GPR158: variants seen among roughly 807,000 people sequenced by gnomAD.
GPR158 encodes the protein metabotropic glycine receptor.
GPR158 carries 30 observed loss-of-function variants against 78.2 expected under a neutral mutation model. The observed-to-expected ratio is 0.38, with a 90% CI of 0.29 to 0.52. The LOEUF (loss-of-function observed/expected upper bound fraction) is 0.52, where lower values mean the gene tolerates loss of function less well. Ranked by LOEUF, GPR158 falls within the 20% of genes least tolerant of loss-of-function variation. The pLI, the probability that GPR158 is intolerant of heterozygous loss-of-function variation, is 0.83. For missense variants in GPR158, 1,463 were observed against 1,523.5 expected, an observed-to-expected ratio of 0.96 and a Z score of 0.66; for synonymous variants, 581 against 591.1, an observed-to-expected ratio of 0.98 and a Z score of 0.25.
chr10:25,569,903 T>G (rs1836982424), intron 6 of GPR158, among the ~76,000 whole-genome samples: 1 of 152,220 alleles, frequency 6.6e-6, no homozygotes, highest in Non-Finnish European at 1.5e-5. Context: ...CCTAGCATGA[T>G]GCCTAACATA....
At chr10:25,335,772 A>G (rs1855190378) in intron 2 of GPR158, among the ~76,000 whole-genome samples, 2 of 152,048 alleles carry the variant, frequency 1.3e-5, no homozygotes, top group Admixed American at 1.3e-4. Context: ...ATAGTAAAAA[A>G]CAAATCCTTG....
At chr10:25,252,685 C>G (rs1408670359) in intron 2 of GPR158, among the ~76,000 whole-genome samples, 1 of 152,204 alleles carries the variant, frequency 6.6e-6, no homozygotes, top group African/African-American at 2.4e-5. Flanking sequence ...AGATCTCCAG[C>G]TGCGTGCTGG....
rs764047751 is a variant in GPR158, at chr10:25,412,284, A to C, written c.1146A>C (p.Thr382=). The change falls in exon 4 of 11, where the codon ACA becomes ACC. Residue 382 remains threonine (T), a synonymous_variant. Transcript: ENST00000376351. Reference sequence around the variant, plus strand: ...CGGATCAGCATATTTCAGGAAGTACAAAAGATGTGTCAGAAGAAGCCTATG... The same window carrying C: ...CGGATCAGCATATTTCAGGAAGTACCAAAGATGTGTCAGAAGAAGCCTATG... ...RGPDQHISGS[T]KDVSEEAYVC... 1.2e-6 allele frequency: 2 copies of C among 1,614,112 alleles called. No homozygotes were observed. The highest frequency in any genetic ancestry group is 8.5e-7 in the Non-Finnish European group (1 of 1,179,954).
chr10:25,251,379 T>G (rs939064309), intron 2 of GPR158, among the ~76,000 whole-genome samples: 2 of 151,642 alleles, frequency 1.3e-5, no homozygotes. Context: ...GTGATTTTGC[T>G]CGTTAGTTGA....
chr10:25,427,930 TCTGA>T (rs1207335227), intron 4 of GPR158, among the ~76,000 whole-genome samples: 5 of 152,060 alleles, frequency 3.3e-5, no homozygotes, highest in African/African-American at 9.7e-5. Flanking sequence ...TTTAAACCTG[TCTGA>T]CTATGTCCGT....
chr10:25,406,865 T>A (rs984171911), intron 3 of GPR158, among the ~76,000 whole-genome samples: 2 of 152,150 alleles, frequency 1.3e-5, no homozygotes, highest in Non-Finnish European at 2.9e-5. Context: ...TAAAGATCAT[T>A]AAGATCAACA....
chr10:25,286,923 G>A (rs1854358521), intron 2 of GPR158, among the ~76,000 whole-genome samples: 1 of 152,090 alleles, frequency 6.6e-6, no homozygotes, highest in African/African-American at 2.4e-5. Context: ...TCTTCCCTTT[G>A]TGCTGTGCCT....
chr10:25,493,233 A>G (rs1835835006), intron 5 of GPR158, among the ~76,000 whole-genome samples: 1 of 152,172 alleles, frequency 6.6e-6, no homozygotes, highest in Non-Finnish European at 1.5e-5. Flanking sequence ...GCCTGCTTCA[A>G]CACAATTGCA....
At chr10:25,395,199 G>T (rs1834349918) in intron 2 of GPR158, among the ~76,000 whole-genome samples, 1 of 152,110 alleles carries the variant, frequency 6.6e-6, no homozygotes, top group Non-Finnish European at 1.5e-5. Flanking sequence ...ACCCTTGAAA[G>T]AAGTCAAGAT....
At chr10:25,387,515 AAT>A (rs1491272561) in intron 2 of GPR158, among the ~76,000 whole-genome samples, 2 of 76,968 alleles carry the variant, frequency 2.6e-5, no homozygotes, top group African/African-American at 5.2e-5. Flanking sequence ...TTTCTCTTCA[AAT>A]TTTTTTTTTT....
chr10:25,369,171 C>G (rs1399379688), intron 2 of GPR158, among the ~76,000 whole-genome samples: 1 of 151,306 alleles, frequency 6.6e-6, no homozygotes. Context: ...CCTTCTCCTG[C>G]CTAATTGCCC....
At chr10:25,531,546 A>G (rs1035716883) in intron 5 of GPR158, among the ~76,000 whole-genome samples, 2 of 152,214 alleles carry the variant, frequency 1.3e-5, no homozygotes, top group East Asian at 3.8e-4. Flanking sequence ...GAGTAATAAG[A>G]AAGTGTCCTC....
At chr10:25,575,879 A>G (rs372057241) in intron 7 of GPR158, among the ~76,000 whole-genome samples, 34 of 151,704 alleles carry the variant, frequency 2.2e-4, no homozygotes, top group African/African-American at 7.5e-4. Flanking sequence ...ATCCACATTT[A>G]TTCTTATCTT....
chr10:25,230,885 C>T (rs1229241320), intron 2 of GPR158, among the ~76,000 whole-genome samples: 1 of 152,056 alleles, frequency 6.6e-6, no homozygotes, highest in Non-Finnish European at 1.5e-5. Flanking sequence ...TGAAAGGTAC[C>T]ACATGACAAT....
Position 25,467,459 on chromosome 10 carries a change from A to G in GPR158, c.1404+740A>G, listed in dbSNP as rs1462976516. Reference sequence around the variant, plus strand: ...TTGCCCCCACAAAGGACGACTTTGCAGGACCATTTCAAAATATGGCACAGA... The same window carrying G: ...TTGCCCCCACAAAGGACGACTTTGCGGGACCATTTCAAAATATGGCACAGA... On this transcript the variant is annotated intron_variant, in intron 5 of 10. Transcript: ENST00000376351. 2.6e-5 allele frequency among the ~76,000 whole-genome samples: 4 copies of G among 152,224 alleles called. No individual in the cohort carries two copies. In the East Asian group the frequency reaches 7.7e-4, roughly 29 times the overall value.
chr10:25,443,146 G>A (rs1835090594), intron 4 of GPR158, among the ~76,000 whole-genome samples: 1 of 151,940 alleles, frequency 6.6e-6, no homozygotes, highest in Admixed American at 6.5e-5. Context: ...GTTCAGTGAT[G>A]TGATCATAGT....
intron 2 of GPR158, among the ~76,000 whole-genome samples, chr10:25,235,191 A>C (rs145239284): frequency 1.3e-5 from 2 of 152,184 alleles, no homozygotes; most frequent in Non-Finnish European, 2.9e-5. Context: ...CTTAAATTAC[A>C]AAAGTGCTTG....
intron 1 of GPR158, among the ~76,000 whole-genome samples, chr10:25,204,200 CA>C (rs905776331): frequency 6.6e-6 from 1 of 152,178 alleles, no homozygotes; most frequent in Non-Finnish European, 1.5e-5. Flanking sequence ...CATCTGCAAA[CA>C]AAGACAATTT....
At chr10:25,230,856 A>C (rs927944030) in intron 2 of GPR158, among the ~76,000 whole-genome samples, 4 of 152,166 alleles carry the variant, frequency 2.6e-5, no homozygotes, top group Non-Finnish European at 4.4e-5. Flanking sequence ...GATGTTGTAG[A>C]CTTTGGTATT....
Sources: gnomAD v4.1 joint callset for allele counts (sites outside exome capture counted in the v4.1 genomes callset) on GRCh38, gnomAD v4.1.1 for gene constraint, MANE v1.5 for transcripts, NCBI Gene and HGNC (gene_info 2026-07-23, HGNC 2026-07-21) for gene names.